Variants in FOXO3B observed in about 807,000 individuals in gnomAD.
FOXO3B encodes forkhead box protein O3B.
Under a neutral mutation model 21.9 loss-of-function variants are expected in FOXO3B, and 15 were observed. The ratio of observed to expected loss-of-function variants is 0.68; its 90% CI spans 0.46 to 1.05. The LOEUF (loss-of-function observed/expected upper bound fraction) is 1.05. Ranked by LOEUF, FOXO3B falls within the 50% of genes least tolerant of loss-of-function variation. FOXO3B has a pLI of 0.00. For synonymous variants in FOXO3B, 135 were observed against 213.6 expected (o/e 0.63, Z 3.21); for missense variants, 293 against 435.5 (o/e 0.67, Z 2.91).
chr17:18,672,477 A>G lies in FOXO3B; in HGVS notation c.705T>C (p.Cys235=). Reference sequence around the variant, plus strand: ...TTCCCCAGGCGTTCCGCCGCGACGAACATTTCCTCGGCTGCCCGGAGCCCC... The same window carrying G: ...TTCCCCAGGCGTTCCGCCGCGACGAGCATTTCCTCGGCTGCCCGGAGCCCC... ...AAGGSGQPRK[C]SSRRNAWGNL... Residue 235 remains cysteine, a synonymous_variant, in exon 4 of 4, where the codon TGT becomes TGC. Coordinates refer to ENST00000395675, the MANE Select transcript of FOXO3B (RefSeq NM_001368135.1). The surrounding 1 kb of genome is among the most constrained non-coding windows in gnomAD (Gnocchi z 4.2). 2.9e-5 allele frequency: 46 copies of G among 1,567,254 alleles called. No homozygotes were observed. Among genetic ancestry groups the G allele is most frequent in the Non-Finnish European group, 3.8e-5 (44 of 1,156,542 alleles).
chr17:18,677,777 T>A, intron 3 of FOXO3B: 2 of 1,452,610 alleles, frequency 1.4e-6, no homozygotes, highest in Non-Finnish European at 1.9e-6. Context: ...TCTTCCTCCT[T>A]CCACCGTGAC....
At chr17:18,679,030 C>T (rs1264441583) in intron 3 of FOXO3B, among the ~76,000 whole-genome samples, 4 of 151,390 alleles carry the variant, frequency 2.6e-5, no homozygotes, top group Admixed American at 2.6e-4. Flanking sequence ...AGCCTAAACT[C>T]GTTAGAGGCC....
chr17:18,678,177 A>G (rs1168001806), intron 3 of FOXO3B, among the ~76,000 whole-genome samples: 2 of 152,188 alleles, frequency 1.3e-5, no homozygotes, highest in Admixed American at 1.3e-4. Flanking sequence ...AGCACAGGAA[A>G]CAGAATTATA....
At position 18,672,278 on chromosome 17, in the gene FOXO3B, G is replaced by T; in HGVS notation, c.*31C>A. 6.2e-7 allele frequency: 1 copy of T among 1,611,462 alleles called. No homozygotes were observed. On this transcript the variant is annotated 3_prime_UTR_variant, in exon 4 of 4. Transcript: ENST00000395675. The surrounding 1 kb of genome is among the most constrained non-coding windows in gnomAD (Gnocchi z 4.2). ...TTCTGGACCCGCATGAATCGACTAT[G>T]CAGTGACAGGTTGTGCCGGATGGAG...
rs955071177 is a variant in FOXO3B at position 18,670,139 on chromosome 17, C to G, written c.*2170G>C. On this transcript the variant is annotated 3_prime_UTR_variant, in exon 4 of 4. Coordinates refer to ENST00000395675, the MANE Select transcript of FOXO3B (RefSeq NM_001368135.1). ...GCACCCGTAGACCTGGTGCTGGGGTCCCGTCCACAGATCACCCTGACTCAG... is the reference window on the plus strand; with the variant it reads ...GCACCCGTAGACCTGGTGCTGGGGTGCCGTCCACAGATCACCCTGACTCAG... Among the ~76,000 whole-genome samples, 9 of 152,162 alleles carry G rather than the reference C, an allele frequency of 5.9e-5. No individual in the cohort carries two copies. Among genetic ancestry groups the G allele is most frequent in the African/African-American group, 2.2e-4 (9 of 41,418 alleles).
chr17:18,668,504 A>C lies in FOXO3B; in HGVS notation c.*3805T>G, dbSNP rs1225857115. On this transcript the variant is annotated 3_prime_UTR_variant, in exon 4 of 4. Transcript: ENST00000395675. Reference sequence around the variant, plus strand: ...AATGAGATACCACATGTCTGAAAAGAATTCAACATTTTAAAGTTGAAACAC... The same window carrying C: ...AATGAGATACCACATGTCTGAAAAGCATTCAACATTTTAAAGTTGAAACAC... The C allele has an allele frequency of 3.9e-5, 6 of 152,648 alleles. No homozygotes were observed. The highest frequency in any genetic ancestry group is 1.4e-4 in the African/African-American group (6 of 41,462). 9.5% of individuals were successfully genotyped at this position (152,648 alleles called of 1,614,324 possible). A position where few individuals can be genotyped will look rare whatever the true frequency, so the allele number is the denominator to read the frequency against.
intron 3 of FOXO3B, among the ~76,000 whole-genome samples, chr17:18,680,031 A>C (rs1211590064): frequency 6.6e-6 from 1 of 151,970 alleles, no homozygotes; most frequent in Non-Finnish European, 1.5e-5. Flanking sequence ...AGTAGAGACG[A>C]GGTTTCACCG....
rs578142346 is a variant in FOXO3B, at chr17:18,673,200, A to C, written c.127-145T>G. 96 of 1,184,916 alleles carry C rather than the reference A, an allele frequency of 8.1e-5. No homozygotes were observed. In the African/African-American group the frequency reaches 1.6e-3, roughly 20 times the overall value. The allele number at this position is 1,184,916 out of a possible 1,614,324, so 73.4% of individuals were successfully genotyped here. ...ACAGGAGACCATACTTCTTAATAAC[A>C]CTTTTTGTTTAAAGAAAATAATGTT... On this transcript the variant is annotated intron_variant, in intron 3 of 3. Transcript: ENST00000395675.
In FOXO3B at chr17:18,677,250, G is replaced by C. The variant is rs570904794; in HGVS notation, c.126+3491C>G. 79 of 1,602,744 alleles carry C rather than the reference G, an allele frequency of 4.9e-5. No homozygotes were observed. In the South Asian group the frequency reaches 8.3e-4, roughly 17 times the overall value. ...ATCCTCTGATAAAACAAGTCTACTT[G>C]TATGTATACAAGGTCTGTTCCGCAT... On this transcript the variant is annotated intron_variant, in intron 3 of 3. Coordinates refer to ENST00000395675, the MANE Select transcript of FOXO3B (RefSeq NM_001368135.1).
chr17:18,670,998 T>C lies in FOXO3B; in HGVS notation c.*1311A>G. On this transcript the variant is annotated 3_prime_UTR_variant, in exon 4 of 4. Transcript: ENST00000395675. ...AACATTCTGTGTGGAGATGAGGGAA[T>C]CAAAGTTAAAATCCAACCCATCAGC... is the stretch of plus-strand genomic sequence containing the variant. 1 of 1,329,718 alleles carries C rather than the reference T, an allele frequency of 7.5e-7. No homozygotes were observed. The highest frequency in any genetic ancestry group is 1.1e-6 in the Non-Finnish European group (1 of 940,282). The allele number at this position is 1,329,718 out of a possible 1,614,324, so 82.4% of individuals were successfully genotyped here.
At chr17:18,677,440 A>C in intron 3 of FOXO3B, 2 of 1,613,676 alleles carry the variant, frequency 1.2e-6, no homozygotes, top group Non-Finnish European at 1.7e-6. Flanking sequence ...CTGACCATCA[A>C]GTGCCTGCTG....
rs975035146 is a variant in FOXO3B, at chr17:18,669,660, C to T, written c.*2649G>A. 6.6e-6 allele frequency among the ~76,000 whole-genome samples: 1 copy of T among 152,160 alleles called. No homozygotes were observed. The highest frequency in any genetic ancestry group is 2.4e-5 in the African/African-American group (1 of 41,430). On this transcript the variant is annotated 3_prime_UTR_variant, in exon 4 of 4. Coordinates refer to ENST00000395675, the MANE Select transcript of FOXO3B (RefSeq NM_001368135.1). ...AGCAGAAAAAAAAGTTAAAACTGCC[C>T]TATTTTGTACTTCCATTGAGTCGCT...
intron 3 of FOXO3B, among the ~76,000 whole-genome samples, chr17:18,678,975 A>G (rs867813684): frequency 5.9e-5 from 9 of 151,782 alleles, no homozygotes; most frequent in African/African-American, 2.2e-4. Flanking sequence ...AATGACTAGA[A>G]GAGAATCTGC....
rs1487058833 is a variant in FOXO3B, at chr17:18,679,844, C to CA, written c.126+896_126+897insT. ...CAATCACCGCCTAAATTCAAAAATT[C>CA]TTTTTTTTTTTTTTGAGACAGAGTT... On this transcript the variant is annotated intron_variant, in intron 3 of 3. Coordinates refer to ENST00000395675, the MANE Select transcript of FOXO3B (RefSeq NM_001368135.1). Among the ~76,000 whole-genome samples the CA allele has an allele frequency of 2.1e-5, 3 of 145,006 alleles. No individual in the cohort carries two copies. The East Asian group carries it at 6.1e-4, about 29-fold the overall frequency.
In FOXO3B at chr17:18,667,733, G is replaced by A. The variant is rs959061584; in HGVS notation, c.*4576C>T. 2 of 151,718 alleles carry A rather than the reference G, an allele frequency of 1.3e-5. No individual in the cohort carries two copies. Among genetic ancestry groups the A allele is most frequent in the African/African-American group, 4.9e-5 (2 of 40,674 alleles). 9.4% of individuals were successfully genotyped at this position (151,718 alleles called of 1,614,324 possible). ...AGCTCTTTCCTAGCTTTGGTAACAG[G>A]TATCAGGTTCTGGAGCCCTGGAGAG... On this transcript the variant is annotated 3_prime_UTR_variant, in exon 4 of 4. Transcript: ENST00000395675.
chr17:18,678,996 T>C (rs1187123092), intron 3 of FOXO3B, among the ~76,000 whole-genome samples: 1 of 151,546 alleles, frequency 6.6e-6, no homozygotes, highest in Non-Finnish European at 1.5e-5. Flanking sequence ...CCTTTTTCTC[T>C]GGCCTTCAAC....
Position 18,667,866 on chromosome 17 carries a change from G to A in FOXO3B, c.*4443C>T, listed in dbSNP as rs562851973. On this transcript the variant is annotated 3_prime_UTR_variant, in exon 4 of 4. Coordinates refer to ENST00000395675, the MANE Select transcript of FOXO3B (RefSeq NM_001368135.1). ...AGAGCAGCTTATTTAGAGGCCAAGTGTGGCCTCGGATAGTTCTCATCATAA... is the reference window on the plus strand; with the variant it reads ...AGAGCAGCTTATTTAGAGGCCAAGTATGGCCTCGGATAGTTCTCATCATAA... The A allele has an allele frequency of 6.6e-6, 1 of 152,318 alleles. No homozygotes were observed. The highest frequency in any genetic ancestry group is 2.1e-4 in the South Asian group (1 of 4,826). The allele number at this position is 152,318 out of a possible 1,614,324, so 9.4% of individuals were successfully genotyped here.
chr17:18,680,850 A>G, intron 2 of FOXO3B, 21 bp from the exon 3 acceptor site: 1 of 1,582,882 alleles, frequency 6.3e-7, no homozygotes, highest in Non-Finnish European at 8.6e-7. Flanking sequence ...GAAAGCAGTA[A>G]TGATGAGACC....
At chr17:18,674,623 CT>C (rs1174076637) in intron 3 of FOXO3B, among the ~76,000 whole-genome samples, 1 of 109,138 alleles carries the variant, frequency 9.2e-6, no homozygotes, top group Non-Finnish European at 1.7e-5. Flanking sequence ...GAGACTCCAT[CT>C]CAAAAAAAAA....
Sources: allele counts gnomAD v4.1 joint callset (sites outside exome capture counted in the v4.1 genomes callset), GRCh38; gene constraint gnomAD v4.1.1; non-coding constraint Gnocchi (gnomAD v3.1); transcripts MANE v1.5; gene names NCBI Gene and HGNC (gene_info 2026-07-23, HGNC 2026-07-21).